Variants in TOM1 observed in about 807,000 individuals in gnomAD.
TOM1 encodes target of Myb protein 1.
TOM1 carries 38 observed loss-of-function variants against 61.3 expected under a neutral mutation model. The observed-to-expected ratio is 0.62, with a 90% CI of 0.48 to 0.81. The LOEUF is 0.81. Among genes scored for constraint, TOM1 ranks in the 40% least tolerant of loss-of-function variants. TOM1 has a pLI of 0.00. For missense variants in TOM1, 591 were observed against 659.6 expected, an observed-to-expected ratio of 0.90 and a Z score of 1.14; for synonymous variants, 270 against 268.8, an observed-to-expected ratio of 1.00 and a Z score of -0.04.
intron 9 of TOM1, 87 bp downstream of exon 9, chr22:35,333,101 G>T: frequency 7.1e-7 from 1 of 1,413,934 alleles, no homozygotes; most frequent in Non-Finnish European, 1.0e-6. Context: ...TAGTAAACTG[G>T]ACAGGGTGGT....
rs74856028 is a variant in TOM1 at position 35,334,841 on chromosome 22, C to A, written c.1148+393C>A. Among the ~76,000 whole-genome samples, 21 of 136,036 alleles carry A rather than the reference C, an allele frequency of 1.5e-4. No individual in the cohort carries two copies. The East Asian group carries it at 5.0e-3, about 33-fold the overall frequency. 89.2% of individuals were successfully genotyped at this position (136,036 alleles called of 152,430 possible). ...ACACAGTGTCTCCACCCCCCGCCCC[C>A]CTCCCTGCACTGTGTACCGCATAGT... On this transcript the variant is annotated intron_variant, in intron 11 of 14. Transcript: ENST00000449058.
chr22:35,300,528 G>A (rs983642115), intron 1 of TOM1, among the ~76,000 whole-genome samples: 1 of 152,204 alleles, frequency 6.6e-6, no homozygotes, highest in African/African-American at 2.4e-5. Context: ...GTCTCAGGAC[G>A]TGTCCGCCTG....
chr22:35,343,202 TAC>T (rs1201010708), intron 12 of TOM1, among the ~76,000 whole-genome samples: 572 of 45,630 alleles, frequency 0.013, 5 homozygotes, highest in African/African-American at 0.045. Flanking sequence ...CTCATACGCC[TAC>T]ACACACACCC....
Position 35,347,059 on chromosome 22 carries a change from T to A in TOM1, c.1329T>A (p.Phe443Leu). 2 of 1,612,042 alleles carry A rather than the reference T, an allele frequency of 1.2e-6. No homozygotes were observed. The highest frequency in any genetic ancestry group is 1.7e-6 in the Non-Finnish European group (2 of 1,178,892). Residue 443 changes from phenylalanine (F) to leucine (L), a missense_variant, in exon 15 of 15, where the codon TTT becomes TTA. Coordinates refer to ENST00000449058, the MANE Select transcript of TOM1 (RefSeq NM_005488.3). ...CACCCTCTCCCCTTCCTCTAGAATT[T>A]GACAAATTCCTGGAAGAACGGGCCA... ...EEPKGVTSEE[F>L]DKFLEERAKA...
rs761314467 is a variant in TOM1 at position 35,345,790 on chromosome 22, T to G, written c.1284+6T>G. The G allele has an allele frequency of 6.2e-7, 1 of 1,613,746 alleles. No individual in the cohort carries two copies. Among genetic ancestry groups the G allele is most frequent in the Non-Finnish European group, 8.5e-7 (1 of 1,179,992 alleles). On this transcript the variant is annotated splice_donor_region_variant and intron_variant, in intron 13 of 14. Transcript: ENST00000449058. Reference sequence around the variant, plus strand: ...AGTGGCTGTCCACTGACGTGGTATGTTGGGGCCCACTCCTCACCCACACAG... The same window carrying G: ...AGTGGCTGTCCACTGACGTGGTATGGTGGGGCCCACTCCTCACCCACACAG...
intron 13 of TOM1, among the ~76,000 whole-genome samples, chr22:35,346,639 C>T (rs540704985): frequency 6.6e-6 from 1 of 152,354 alleles, no homozygotes; most frequent in African/African-American, 2.4e-5. Context: ...TGTGTGTTAT[C>T]CCATTTCAGC....
intron 6 of TOM1, among the ~76,000 whole-genome samples, chr22:35,326,321 CA>C (rs763378506): frequency 6.6e-6 from 1 of 152,196 alleles, no homozygotes; most frequent in Non-Finnish European, 1.5e-5. Flanking sequence ...CAGGCATTCC[CA>C]GTGTGCATGA....
At chr22:35,304,206 G>A (rs1284348961) in intron 1 of TOM1, among the ~76,000 whole-genome samples, 1 of 152,086 alleles carries the variant, frequency 6.6e-6, no homozygotes, top group African/African-American at 2.4e-5. Flanking sequence ...GCCTCGAGCT[G>A]CCCAGTGCTT....
At chr22:35,345,012 C>T (rs1930385181) in intron 12 of TOM1, 1 of 153,356 alleles carries the variant, frequency 6.5e-6, no homozygotes, top group African/African-American at 2.4e-5. Context: ...TGCCCATGAC[C>T]TCCAACTGGA....
At chr22:35,317,306 C>T (rs1343710611) in intron 1 of TOM1, among the ~76,000 whole-genome samples, 6 of 152,154 alleles carry the variant, frequency 3.9e-5, no homozygotes. Context: ...TCTCCTGCCT[C>T]AGCCTCCCAA....
At chr22:35,333,612 C>T in intron 10 of TOM1, 115 bp downstream of exon 10, 1 of 936,968 alleles carries the variant, frequency 1.1e-6, no homozygotes, top group Non-Finnish European at 1.7e-6. Context: ...GTCTGGACCC[C>T]ACCTTGCTGG....
upstream of TOM1, chr22:35,299,633 G>C: frequency 2.2e-6 from 1 of 451,998 alleles, no homozygotes; most frequent in Non-Finnish European, 4.0e-6. Flanking sequence ...TTTAGACCTC[G>C]CCCTAAAAGG....
intron 12 of TOM1, among the ~76,000 whole-genome samples, chr22:35,339,018 A>T (rs1245402059): frequency 6.6e-6 from 1 of 152,230 alleles, no homozygotes; most frequent in Non-Finnish European, 1.5e-5. Flanking sequence ...GCAAGGATTC[A>T]GACCTGAGCC....
chr22:35,334,534 AGG>A, intron 11 of TOM1, 86 bp downstream of exon 11: 3 of 1,538,056 alleles, frequency 2.0e-6, no homozygotes, highest in Non-Finnish European at 2.7e-6. Context: ...GCACACCATG[AGG>A]AAGGGCACAC....
intron 1 of TOM1, among the ~76,000 whole-genome samples, chr22:35,313,569 C>T (rs1314016312): frequency 2.0e-5 from 3 of 152,210 alleles, no homozygotes; most frequent in Non-Finnish European, 2.9e-5. Context: ...CCTGATTTTA[C>T]GGGTGCAAAA....
intron 1 of TOM1, among the ~76,000 whole-genome samples, chr22:35,307,931 C>T (rs1014343747): frequency 6.6e-6 from 1 of 152,208 alleles, no homozygotes; most frequent in Non-Finnish European, 1.5e-5. Context: ...TTTCTGTGAA[C>T]GTATGCCTTA....
chr22:35,339,711 C>T (rs950463749), intron 12 of TOM1, among the ~76,000 whole-genome samples: 1 of 151,850 alleles, frequency 6.6e-6, no homozygotes, highest in African/African-American at 2.4e-5. Flanking sequence ...GAGACCATCC[C>T]GGCTAAAACG....
rs536877028 is a variant in TOM1, at chr22:35,336,627, C to A, written c.1149-2086C>A. The stretch of plus-strand genomic sequence containing the variant: ...CCTTCCCCCGCTTTGTCCGCATCTT[C>A]GTCAGTGCTGCTGTACACAGAGGCC... On this transcript the variant is annotated intron_variant, in intron 11 of 14. Coordinates refer to ENST00000449058, the MANE Select transcript of TOM1 (RefSeq NM_005488.3). 6 of 152,430 alleles carry A rather than the reference C, an allele frequency of 3.9e-5. 1 individual carries two copies. In the East Asian group the frequency reaches 1.2e-3, roughly 29 times the overall value. 9.4% of individuals were successfully genotyped at this position (152,430 alleles called of 1,614,324 possible).
In TOM1 at chr22:35,334,337, C is replaced by T. The variant is rs866043740; in HGVS notation, c.1037C>T (p.Ser346Phe). ...CTTTCTGTCCCTGCAGACCTGGGCT[C>T]CAGCAGTGTGAGAGCTGGCCTGCAG... ...SSQLAGMNLGSSSVRAGLQSL... is the reference protein window; with the variant it reads ...SSQLAGMNLGFSSVRAGLQSL... The change falls in exon 11 of 15, where the codon TCC becomes TTC. Residue 346 changes from serine (S) to phenylalanine (F), a missense_variant. Ser to Phe is a radical substitution (Grantham distance 155). Coordinates refer to ENST00000449058, the MANE Select transcript of TOM1 (RefSeq NM_005488.3). The T allele has an allele frequency of 1.9e-6, 3 of 1,613,718 alleles. No individual in the cohort carries two copies. The highest frequency in any genetic ancestry group is 1.7e-5 in the Admixed American group (1 of 59,952).
Sources: allele counts gnomAD v4.1 joint callset (sites outside exome capture counted in the v4.1 genomes callset), GRCh38; gene constraint gnomAD v4.1.1; transcripts MANE v1.5; gene names NCBI Gene and HGNC (gene_info 2026-07-23, HGNC 2026-07-21).